Variants in TRPC4 observed in about 807,000 individuals in gnomAD.
The protein encoded by TRPC4 is short transient receptor potential channel 4.
A neutral mutation model predicts 99.4 loss-of-function variants in TRPC4; 49 were observed. The observed-to-expected ratio is 0.49, with a 90% confidence interval of 0.39 to 0.63. The LOEUF is 0.63. Among genes scored for constraint, TRPC4 ranks in the 20% least tolerant of loss-of-function variants. The pLI, the probability that TRPC4 is intolerant of heterozygous loss-of-function variation, is 0.00. For synonymous variants in TRPC4, 454 were observed against 425.9 expected (o/e 1.07, Z -0.81); for missense variants, 898 against 1,152.9 (o/e 0.78, Z 3.20).
chr13:37,757,386 A>G (rs1238205597), intron 2 of TRPC4, among the ~76,000 whole-genome samples: 1 of 152,048 alleles, frequency 6.6e-6, no homozygotes, highest in East Asian at 1.9e-4. Context: ...TTTGAATTCT[A>G]TCTAGCACAT....
intron 3 of TRPC4, among the ~76,000 whole-genome samples, chr13:37,722,557 T>C (rs978356781): frequency 2.6e-5 from 4 of 152,184 alleles, no homozygotes; most frequent in African/African-American, 4.8e-5. Context: ...TTGGATTATT[T>C]TTAAGTTTTA....
At chr13:37,846,633 CAGAA>C (rs1327899926) in intron 1 of TRPC4, among the ~76,000 whole-genome samples, 80 of 118,234 alleles carry the variant, frequency 6.8e-4, no homozygotes, top group African/African-American at 2.6e-3. Context: ...CAAATGAAGA[CAGAA>C]AGAGAGGAAG....
At chr13:37,824,938 C>G (rs1403869432) in intron 1 of TRPC4, among the ~76,000 whole-genome samples, 3 of 152,094 alleles carry the variant, frequency 2.0e-5, no homozygotes, top group African/African-American at 7.2e-5. Context: ...TGATTATTGC[C>G]ACAATTTCTG....
chr13:37,831,109 A>G (rs1958410313), intron 1 of TRPC4, among the ~76,000 whole-genome samples: 1 of 151,504 alleles, frequency 6.6e-6, no homozygotes, highest in Non-Finnish European at 1.5e-5. Context: ...TTTTTTTCAC[A>G]TTTGATGCAT....
intron 1 of TRPC4, among the ~76,000 whole-genome samples, chr13:37,824,924 C>G (rs1258298075): frequency 1.3e-5 from 2 of 152,142 alleles, no homozygotes; most frequent in Non-Finnish European, 2.9e-5. Flanking sequence ...GGTTGGTAAG[C>G]TATTGATTAT....
At chr13:37,807,003 T>C (rs1400516152) in intron 1 of TRPC4, among the ~76,000 whole-genome samples, 1 of 152,050 alleles carries the variant, frequency 6.6e-6, no homozygotes, top group East Asian at 1.9e-4. Flanking sequence ...CCAACTATTA[T>C]ACTGTCCATG....
At chr13:37,723,377 C>T (rs901828362) in intron 3 of TRPC4, among the ~76,000 whole-genome samples, 2 of 151,832 alleles carry the variant, frequency 1.3e-5, no homozygotes, top group Non-Finnish European at 2.9e-5. Flanking sequence ...TATAATCATA[C>T]AAAAAACGCA....
intron 6 of TRPC4, 98 bp from the exon 7 acceptor site, chr13:37,655,381 ATAT>A: frequency 2.4e-6 from 1 of 415,786 alleles, no homozygotes; most frequent in Non-Finnish European, 3.7e-6. Flanking sequence ...ATATATATAT[ATAT>A]AATTAACTTA....
chr13:37,644,600 G>A (rs143338747), intron 8 of TRPC4, among the ~76,000 whole-genome samples: 2 of 152,136 alleles, frequency 1.3e-5, no homozygotes, highest in East Asian at 1.9e-4. Context: ...GCCGGGCGCG[G>A]TGGTTCACGC....
chr13:37,809,552 T>A (rs543640476), intron 1 of TRPC4, among the ~76,000 whole-genome samples: 1 of 151,524 alleles, frequency 6.6e-6, no homozygotes, highest in Non-Finnish European at 1.5e-5. Flanking sequence ...ACTGCAGGCA[T>A]AAGATGACAG....
In TRPC4 at chr13:37,756,188, A is replaced by G. The variant is rs7325597; in HGVS notation, c.379-9733T>C. ...TATGTACATGTGTGCACACACACAT[A>G]CATACACACACATGAACACAAACTA... On this transcript the variant is annotated intron_variant, in intron 2 of 10. Coordinates refer to ENST00000379705, the MANE Select transcript of TRPC4 (RefSeq NM_016179.4). 8.8e-3 allele frequency among the ~76,000 whole-genome samples: 1,346 copies of G among 152,308 alleles called. 22 individuals are homozygous for G. The highest frequency in any genetic ancestry group is 0.03 in the African/African-American group (1,244 of 41,586).
intron 1 of TRPC4, among the ~76,000 whole-genome samples, chr13:37,799,867 T>A (rs780294120): frequency 3.3e-5 from 5 of 152,186 alleles, no homozygotes; most frequent in Non-Finnish European, 7.3e-5. Flanking sequence ...ATGTGTTGGT[T>A]TTGGAGCCAA....
chr13:37,832,614 C>A (rs1958453914), intron 1 of TRPC4, among the ~76,000 whole-genome samples: 1 of 151,918 alleles, frequency 6.6e-6, no homozygotes, highest in Non-Finnish European at 1.5e-5. Context: ...ACACATGAAA[C>A]AAATAGGAAT....
intron 1 of TRPC4, among the ~76,000 whole-genome samples, chr13:37,798,586 A>T (rs1419724091): frequency 6.6e-6 from 1 of 152,184 alleles, no homozygotes; most frequent in African/African-American, 2.4e-5. Context: ...ATGATGGAAC[A>T]TTTAGATGAA....
intron 5 of TRPC4, among the ~76,000 whole-genome samples, chr13:37,668,693 G>A (rs1952733908): frequency 6.6e-6 from 1 of 152,134 alleles, no homozygotes; most frequent in Non-Finnish European, 1.5e-5. Flanking sequence ...TGTAGTCTCT[G>A]ATGCATACTT....
At chr13:37,647,951 A>G (rs956749157) in intron 8 of TRPC4, among the ~76,000 whole-genome samples, 8 of 152,098 alleles carry the variant, frequency 5.3e-5, no homozygotes, top group Non-Finnish European at 1.2e-4. Flanking sequence ...TTATTTATTT[A>G]TTTATTTATT....
chr13:37,692,920 C>T (rs1953768146), intron 3 of TRPC4, among the ~76,000 whole-genome samples: 2 of 152,082 alleles, frequency 1.3e-5, no homozygotes, highest in African/African-American at 4.8e-5. Flanking sequence ...TAGTATTCAC[C>T]AGAATGTTAA....
intron 1 of TRPC4, among the ~76,000 whole-genome samples, chr13:37,860,510 T>C (rs1375427428): frequency 6.6e-6 from 1 of 151,474 alleles, no homozygotes; most frequent in Admixed American, 6.6e-5. Flanking sequence ...TTTCTTCATA[T>C]AAAATTTTCT....
At chr13:37,760,329 C>G (rs11840246) in intron 2 of TRPC4, among the ~76,000 whole-genome samples, 1 of 151,802 alleles carries the variant, frequency 6.6e-6, no homozygotes, top group Admixed American at 6.6e-5. Context: ...CCTTTTCCCT[C>G]TCACCTATCC....
Sources: gnomAD v4.1 joint callset for allele counts (sites outside exome capture counted in the v4.1 genomes callset) on GRCh38, gnomAD v4.1.1 for gene constraint, MANE v1.5 for transcripts, NCBI Gene and HGNC (gene_info 2026-07-23, HGNC 2026-07-21) for gene names.